The following SPTBN1 variants were observed in gnomAD, a reference collection of about 807,000 sequenced individuals.
SPTBN1 encodes the protein spectrin beta chain, non-erythrocytic 1.
SPTBN1 carries 32 observed loss-of-function variants against 266.4 expected under a neutral mutation model. That is an observed-to-expected ratio of 0.12 (90% confidence interval 0.09 to 0.16). The LOEUF (loss-of-function observed/expected upper bound fraction) is 0.16. SPTBN1 is among the 10% of genes least tolerant of loss of function. The pLI is 1.00. For synonymous variants in SPTBN1, 1,336 were observed against 1,162.2 expected (o/e 1.15, Z -3.04); for missense variants, 2,296 against 3,067.1 (o/e 0.75, Z 5.94).
chr2:54,609,913 A>C (rs771147419), intron 3 of SPTBN1, among the ~76,000 whole-genome samples: 7 of 152,328 alleles, frequency 4.6e-5, no homozygotes, highest in South Asian at 4.1e-4. Context: ...CTTATGAATA[A>C]GGGCAGTCCT....
chr2:54,655,414 A>T (rs1680585224), intron 28 of SPTBN1, among the ~76,000 whole-genome samples: 1 of 152,144 alleles, frequency 6.6e-6, no homozygotes, highest in Non-Finnish European at 1.5e-5. Flanking sequence ...ACAGAAGACA[A>T]TTTTTGAGGG....
chr2:54,472,022 G>GTTTTTTTTTTTTTT lies in SPTBN1; in HGVS notation c.-48+15514_-48+15527dup, dbSNP rs768988675. Among the ~76,000 whole-genome samples, 20 of 66,804 alleles carry GTTTTTTTTTTTTTT rather than the reference G, an allele frequency of 3.0e-4. 3 individuals carry two copies. The highest frequency in any genetic ancestry group is 7.4e-4 in the Admixed American group (3 of 4,078). The allele number at this position is 66,804 out of a possible 152,430, so 43.8% of individuals were successfully genotyped here. On this transcript the variant is annotated intron_variant, in intron 1 of 35. Coordinates refer to ENST00000356805, the MANE Select transcript of SPTBN1 (RefSeq NM_003128.3). ...GAATAAAAACTGGGGCCCTGAAGAT[G>GTTTTTTTTTTTTTT]TTTTTTTTTTTTTTTTTTTTTTTGA...
chr2:54,483,368 T>C (rs1335274012), intron 1 of SPTBN1, among the ~76,000 whole-genome samples: 1 of 152,126 alleles, frequency 6.6e-6, no homozygotes, highest in Non-Finnish European at 1.5e-5. Flanking sequence ...CCAAGGAAGG[T>C]AGGGTCACGG....
chr2:54,646,292 G>A lies in SPTBN1; in HGVS notation c.4683G>A (p.Glu1561=), dbSNP rs1210981597. Reference sequence around the variant, plus strand: ...CTGACAGCAGCAGCCTCAGCGCTGAGGCCATCAGACAGAGGCTTGCCGACC... The same window carrying A: ...CTGACAGCAGCAGCCTCAGCGCTGAAGCCATCAGACAGAGGCTTGCCGACC... ...IVTDSSSLSA[E]AIRQRLADLK... Residue 1561 remains glutamate, a synonymous_variant, in exon 23 of 36, where the codon GAG becomes GAA. Transcript: ENST00000356805. The surrounding 1 kb of genome is among the most constrained non-coding windows in gnomAD (Gnocchi z 4.4). 6.8e-6 allele frequency: 11 copies of A among 1,614,080 alleles called. No individual in the cohort carries two copies. The highest frequency in any genetic ancestry group is 9.3e-6 in the Non-Finnish European group (11 of 1,180,038).
chr2:54,597,835 T>C (rs1329731945), intron 2 of SPTBN1, among the ~76,000 whole-genome samples: 2 of 151,558 alleles, frequency 1.3e-5, no homozygotes, highest in Non-Finnish European at 2.9e-5. Flanking sequence ...CCAGTGGTTT[T>C]GAAATACATG....
intron 7 of SPTBN1, among the ~76,000 whole-genome samples, chr2:54,619,506 C>G (rs563857180): frequency 6.6e-6 from 1 of 152,210 alleles, no homozygotes; most frequent in South Asian, 2.1e-4. Context: ...GATTGATGTT[C>G]CCCAGATCAC....
intron 16 of SPTBN1, among the ~76,000 whole-genome samples, chr2:54,631,865 C>G (rs1558449071): frequency 6.6e-6 from 1 of 152,104 alleles, no homozygotes; most frequent in Non-Finnish European, 1.5e-5. Context: ...CATTGAGGAT[C>G]TCTTATGTGT....
intron 18 of SPTBN1, among the ~76,000 whole-genome samples, chr2:54,641,355 G>T (rs183205727): frequency 2.6e-5 from 4 of 152,176 alleles, no homozygotes; most frequent in Non-Finnish European, 4.4e-5. Flanking sequence ...GCGAAAATAT[G>T]TGAATGTCCT....
In SPTBN1 at chr2:54,623,547, A is replaced by G. The variant is rs1284851049; in HGVS notation, c.1133A>G (p.Gln378Arg). 5.6e-6 allele frequency: 9 copies of G among 1,614,096 alleles called. No homozygotes were observed. Among genetic ancestry groups the G allele is most frequent in the Admixed American group, 1.7e-5 (1 of 59,996 alleles). ...TIQSKMRANN[Q>R]KVYMPREGKL... ...CAGAGCAAGATGAGGGCCAACAACCAGAAGGTCTACATGCCCCGGGAGGGG... is the reference window on the plus strand; with the variant it reads ...CAGAGCAAGATGAGGGCCAACAACCGGAAGGTCTACATGCCCCGGGAGGGG... The change falls in exon 10 of 36, where the codon CAG becomes CGG. Residue 378 changes from glutamine (Q) to arginine (R), a missense_variant. Around this residue, in one of 12 missense-constraint regions of SPTBN1, gnomAD observed 148 missense variants for 203.8 expected, o/e 0.73. Transcript: ENST00000356805.
intron 1 of SPTBN1, among the ~76,000 whole-genome samples, chr2:54,474,633 G>A (rs773316276): frequency 2.0e-5 from 3 of 152,078 alleles, no homozygotes; most frequent in Non-Finnish European, 4.4e-5. Context: ...AATAACATGG[G>A]AAGGTTTTTA....
intron 2 of SPTBN1, among the ~76,000 whole-genome samples, chr2:54,594,805 T>TA (rs1329152898): frequency 6.6e-6 from 1 of 150,718 alleles, no homozygotes; most frequent in Non-Finnish European, 1.5e-5. Flanking sequence ...CCTGAGATTT[T>TA]ACGATTCCAT....
Position 54,646,213 on chromosome 2 carries a change from A to G in SPTBN1, c.4604A>G (p.Gln1535Arg). The G allele has an allele frequency of 1.2e-6, 2 of 1,610,848 alleles. No individual in the cohort carries two copies. Among genetic ancestry groups the G allele is most frequent in the Non-Finnish European group, 1.7e-6 (2 of 1,178,218 alleles). ...CTCCAGACCCTCCAGAAAGAAATCC[A>G]GGGGCACCAGCCTCGCATTGACGAC... is the stretch of plus-strand genomic sequence containing the variant. ...KKNQTLQKEI[Q>R]GHQPRIDDIF... Residue 1535 changes from glutamine to arginine, a missense_variant, in exon 23 of 36, where the codon CAG (glutamine) becomes CGG (arginine). Gln to Arg is a conservative substitution (Grantham distance 43). This residue lies in a region of SPTBN1 where 644 missense variants were observed against 745.3 expected (regional missense o/e 0.86). Coordinates refer to ENST00000356805, the MANE Select transcript of SPTBN1 (RefSeq NM_003128.3). The surrounding 1 kb of genome is among the most constrained non-coding windows in gnomAD (Gnocchi z 4.4).
chr2:54,588,866 A>G (rs543945852), intron 2 of SPTBN1, among the ~76,000 whole-genome samples: 38 of 151,760 alleles, frequency 2.5e-4, no homozygotes, highest in Non-Finnish European at 4.9e-4. Flanking sequence ...GTTTTTTTAC[A>G]TTTGCTTTTT....
intron 1 of SPTBN1, among the ~76,000 whole-genome samples, chr2:54,508,791 A>G (rs900102370): frequency 6.6e-6 from 1 of 152,188 alleles, no homozygotes; most frequent in Non-Finnish European, 1.5e-5. Flanking sequence ...TGTCCAGAGC[A>G]ATGGGATCTG....
chr2:54,522,711 G>GAAAGAAAGAAAGGAAA (rs1401503525), intron 1 of SPTBN1, among the ~76,000 whole-genome samples: 10 of 93,108 alleles, frequency 1.1e-4, no homozygotes, highest in South Asian at 7.0e-4. Flanking sequence ...AAGAAAGAAA[G>GAAAGAAAGAAAGGAAA]GAAAGAAAGA....
At chr2:54,498,404 G>T (rs376024561) in intron 1 of SPTBN1, among the ~76,000 whole-genome samples, 1 of 152,318 alleles carries the variant, frequency 6.6e-6, no homozygotes. Flanking sequence ...AGACTTAGAA[G>T]CTAGACTACT....
intron 9 of SPTBN1, 105 bp downstream of exon 9, chr2:54,622,592 C>G: frequency 2.6e-5 from 34 of 1,291,644 alleles, no homozygotes; most frequent in Non-Finnish European, 3.6e-5. Context: ...TAACTGAATG[C>G]CTTTCAGTAG....
intron 2 of SPTBN1, among the ~76,000 whole-genome samples, chr2:54,561,745 A>G (rs1673318150): frequency 6.7e-6 from 1 of 148,478 alleles, no homozygotes; most frequent in East Asian, 1.9e-4. Flanking sequence ...CGAGTTATAT[A>G]TTTATATATA....
chr2:54,622,252 C>T (rs1678037916), intron 8 of SPTBN1, 48 bp from the exon 9 acceptor site: 11 of 1,468,788 alleles, frequency 7.5e-6, no homozygotes, highest in African/African-American at 1.4e-5. Flanking sequence ...TCGTATTTAA[C>T]TTATGGAGTG....
Sources: gnomAD v4.1 joint callset for allele counts (sites outside exome capture counted in the v4.1 genomes callset) on GRCh38, gnomAD v4.1.1 for gene constraint, gnomAD v4.1.1 regional missense constraint, Gnocchi (gnomAD v3.1) non-coding constraint, MANE v1.5 for transcripts, NCBI Gene and HGNC (gene_info 2026-07-23, HGNC 2026-07-21) for gene names.